The following ERC2 variants were observed in gnomAD, a reference collection of about 807,000 sequenced individuals.
The protein encoded by ERC2 is ERC protein 2.
Under a neutral mutation model 114.8 loss-of-function variants are expected in ERC2, and 42 were observed. That is an observed-to-expected ratio of 0.37 (90% CI 0.29 to 0.47). ERC2 has a LOEUF of 0.47. Among genes scored for constraint, ERC2 ranks in the 20% least tolerant of loss-of-function variants. ERC2 has a pLI of 0.99. For synonymous variants in ERC2, 454 were observed against 425.5 expected, an observed-to-expected ratio of 1.07 and a Z score of -0.82; for missense variants, 939 against 1,150.7, an observed-to-expected ratio of 0.82 and a Z score of 2.66.
At chr3:56,432,743 G>A (rs563244341) in intron 2 of ERC2, among the ~76,000 whole-genome samples, 1 of 152,198 alleles carries the variant, frequency 6.6e-6, no homozygotes, top group Non-Finnish European at 1.5e-5. Context: ...AGAGCACTTC[G>A]TTAGACCAAC....
intron 2 of ERC2, among the ~76,000 whole-genome samples, chr3:56,432,299 T>C (rs55833786): frequency 0.35 from 53,305 of 152,012 alleles, 9,557 homozygotes; most frequent in Middle Eastern, 0.42. Flanking sequence ...GAGCTAACAG[T>C]TTAAAGAAGA....
At chr3:56,333,399 A>G (rs1176596294) in intron 2 of ERC2, among the ~76,000 whole-genome samples, 1 of 152,258 alleles carries the variant, frequency 6.6e-6, no homozygotes. Flanking sequence ...ATAAGAGAAG[A>G]ATGGCTAACT....
intron 3 of ERC2, among the ~76,000 whole-genome samples, chr3:56,229,911 G>A (rs943888442): frequency 8.6e-5 from 10 of 116,954 alleles, no homozygotes; most frequent in Non-Finnish European, 1.4e-4. Context: ...TCGCTCTGTC[G>A]CTCAGGCTGG....
intron 3 of ERC2, among the ~76,000 whole-genome samples, chr3:56,280,415 T>C (rs1021402397): frequency 4.6e-5 from 7 of 152,134 alleles, no homozygotes; most frequent in African/African-American, 7.2e-5. Context: ...CAGGGAGTGA[T>C]GGAGAAAGAG....
intron 2 of ERC2, among the ~76,000 whole-genome samples, chr3:56,327,142 A>C (rs1000244310): frequency 2.0e-5 from 3 of 152,224 alleles, no homozygotes; most frequent in Non-Finnish European, 1.5e-5. Context: ...AGACTGCTGT[A>C]AAGAACTGCC....
At chr3:56,389,169 G>A (rs1043595317) in intron 2 of ERC2, among the ~76,000 whole-genome samples, 6 of 152,160 alleles carry the variant, frequency 3.9e-5, no homozygotes, top group Non-Finnish European at 8.8e-5. Context: ...TAGCTGTTAG[G>A]TTGAAAGTAT....
intron 17 of ERC2, among the ~76,000 whole-genome samples, chr3:55,613,613 TG>T (rs1559743823): frequency 6.6e-6 from 1 of 152,150 alleles, no homozygotes; most frequent in Non-Finnish European, 1.5e-5. Flanking sequence ...TCTTATGCCT[TG>T]CTTTTCTCTT....
At chr3:56,264,797 C>A (rs2150274347) in intron 3 of ERC2, among the ~76,000 whole-genome samples, 1 of 140,876 alleles carries the variant, frequency 7.1e-6, no homozygotes. Context: ...AAACCAGTTG[C>A]ATTTGTCTAC....
chr3:55,602,173 T>TGA (rs1392340002), intron 17 of ERC2, among the ~76,000 whole-genome samples: 1 of 152,176 alleles, frequency 6.6e-6, no homozygotes, highest in African/African-American at 2.4e-5. Context: ...AGTCAGTGTG[T>TGA]GAGAGACTGA....
Position 56,097,663 on chromosome 3 carries a change from C to T in ERC2, c.1474-16679G>A, listed in dbSNP as rs184718000. On this transcript the variant is annotated intron_variant, in intron 6 of 17. Coordinates refer to ENST00000288221, the MANE Select transcript of ERC2 (RefSeq NM_015576.3). ...ACAATTGGTAATGGGAAGTTCCCAC[C>T]GTTTTCACATCTGTAAGATGAAGAG... Among the ~76,000 whole-genome samples, 4 of 152,238 alleles carry T rather than the reference C, an allele frequency of 2.6e-5. No individual in the cohort carries two copies. In the East Asian group the frequency reaches 5.8e-4, roughly 22 times the overall value.
intron 14 of ERC2, among the ~76,000 whole-genome samples, chr3:55,847,732 A>C (rs1262527240): frequency 6.6e-6 from 1 of 152,238 alleles, no homozygotes; most frequent in African/African-American, 2.4e-5. Context: ...AAATGTTAAC[A>C]ATGATTATCT....
chr3:56,133,718 C>A (rs528996078), intron 6 of ERC2, among the ~76,000 whole-genome samples: 1 of 152,312 alleles, frequency 6.6e-6, no homozygotes, highest in African/African-American at 2.4e-5. Context: ...AAACACTCAG[C>A]TGCATCTCCT....
intron 3 of ERC2, among the ~76,000 whole-genome samples, chr3:56,182,672 T>C (rs909369694): frequency 6.6e-6 from 1 of 152,178 alleles, no homozygotes; most frequent in Admixed American, 6.5e-5. Context: ...TGCAGAAATT[T>C]ATCCCAGGCA....
At chr3:56,438,754 C>G (rs1263700180) in intron 1 of ERC2, among the ~76,000 whole-genome samples, 2 of 152,104 alleles carry the variant, frequency 1.3e-5, no homozygotes, top group East Asian at 3.9e-4. Context: ...TTTCTGAGGT[C>G]TGTGGCTAGG....
chr3:55,743,593 C>CA (rs367859231), intron 14 of ERC2, among the ~76,000 whole-genome samples: 53,165 of 97,224 alleles, frequency 0.55, 14,392 homozygotes, highest in South Asian at 0.64. Context: ...CCTGATCCAC[C>CA]AAAAAAAAAA....
At chr3:55,881,843 A>C (rs937119108) in intron 14 of ERC2, among the ~76,000 whole-genome samples, 2 of 152,258 alleles carry the variant, frequency 1.3e-5, no homozygotes, top group African/African-American at 2.4e-5. Flanking sequence ...TTTAGCAAGA[A>C]GTTTTGGATA....
At chr3:55,709,405 GA>G (rs1457243304) in intron 15 of ERC2, among the ~76,000 whole-genome samples, 1 of 152,142 alleles carries the variant, frequency 6.6e-6, no homozygotes, top group East Asian at 1.9e-4. Context: ...AGGTTTCATA[GA>G]AATTATGTCT....
intron 3 of ERC2, among the ~76,000 whole-genome samples, chr3:56,176,960 C>T (rs1298029101): frequency 6.6e-6 from 1 of 152,238 alleles, no homozygotes; most frequent in Non-Finnish European, 1.5e-5. Flanking sequence ...AACTCTCCCT[C>T]TTTTTCTATC....
chr3:56,191,307 C>T (rs906697539), intron 3 of ERC2, among the ~76,000 whole-genome samples: 1 of 152,108 alleles, frequency 6.6e-6, no homozygotes, highest in Non-Finnish European at 1.5e-5. Context: ...TCCTCAGCCA[C>T]GTACTACCCC....
Sources: allele counts gnomAD v4.1 joint callset (sites outside exome capture counted in the v4.1 genomes callset), GRCh38; gene constraint gnomAD v4.1.1; transcripts MANE v1.5; gene names NCBI Gene and HGNC (gene_info 2026-07-23, HGNC 2026-07-21).